JAK1: variants seen among roughly 807,000 people sequenced by gnomAD.
The protein encoded by JAK1 is tyrosine-protein kinase JAK1.
Under a neutral mutation model 136.6 loss-of-function variants are expected in JAK1, and 16 were observed. That is an observed-to-expected ratio of 0.12 (90% CI 0.08 to 0.18). The LOEUF (loss-of-function observed/expected upper bound fraction) is 0.18, where lower values mean the gene tolerates loss of function less well. Ranked by LOEUF, JAK1 falls within the 10% of genes least tolerant of loss-of-function variation. JAK1 has a pLI of 1.00. For missense variants in JAK1, 859 were observed against 1,450.1 expected (o/e 0.59, Z 6.62); for synonymous variants, 492 against 519.5 (o/e 0.95, Z 0.72).
rs370893143 is a variant in JAK1, at chr1:65,014,805, C to T, written c.-78+29675G>A. Among the ~76,000 whole-genome samples, 47 of 152,126 alleles carry T rather than the reference C, an allele frequency of 3.1e-4. 1 individual carries two copies. In the East Asian group the frequency reaches 6.6e-3, roughly 21 times the overall value. On this transcript the variant is annotated intron_variant, in intron 2 of 25. Coordinates refer to the JAK1 transcript ENST00000671954. ...GTTCACGCCATTCTCCCGCCTCAGCCTCCCGAATAGCTGGGACTACAGGCG... is the reference window on the plus strand; with the variant it reads ...GTTCACGCCATTCTCCCGCCTCAGCTTCCCGAATAGCTGGGACTACAGGCG...
At chr1:64,985,258 G>A in intron 2 of JAK1, 1 of 1,606,830 alleles carries the variant, frequency 6.2e-7, no homozygotes, top group Non-Finnish European at 8.5e-7. Flanking sequence ...GAGAGCTGCT[G>A]AGAGAGCTGG....
chr1:64,963,199 C>T (rs76683887), intron 1 of JAK1, among the ~76,000 whole-genome samples: 1,919 of 152,198 alleles, frequency 0.013, 41 homozygotes, highest in African/African-American at 0.044. Flanking sequence ...GAACACCTTC[C>T]TTGGTCACCA....
At chr1:64,903,434 G>A (rs1197237771) in intron 1 of JAK1, among the ~76,000 whole-genome samples, 2 of 152,194 alleles carry the variant, frequency 1.3e-5, no homozygotes, top group Non-Finnish European at 2.9e-5. Flanking sequence ...GCAGAGCAGG[G>A]ACACAATGAA....
At chr1:64,948,363 GT>G (rs1016854218) in intron 1 of JAK1, among the ~76,000 whole-genome samples, 15 of 152,194 alleles carry the variant, frequency 9.9e-5, no homozygotes, top group African/African-American at 3.4e-4. Context: ...ATCATGCTAG[GT>G]ATTAATGTCA....
intron 12 of JAK1, 76 bp from the exon 13 acceptor site, chr1:64,847,751 T>G: frequency 6.6e-7 from 1 of 1,519,064 alleles, no homozygotes; most frequent in South Asian, 1.2e-5. Flanking sequence ...GGGTCCTCAA[T>G]GGGAACATGG....
intron 1 of JAK1, chr1:65,066,774 T>G (rs1569986214): frequency 6.5e-6 from 1 of 153,430 alleles, no homozygotes; most frequent in Non-Finnish European, 1.4e-5. Context: ...CACCGCCGCC[T>G]CCTCCTCTTA....
At chr1:64,976,696 A>G (rs1646500209) in intron 2 of JAK1, among the ~76,000 whole-genome samples, 2 of 152,204 alleles carry the variant, frequency 1.3e-5, no homozygotes, top group Non-Finnish European at 2.9e-5. Context: ...TGGGCCTCAC[A>G]TGGAACATAA....
chr1:64,960,418 G>A (rs1318433803), intron 1 of JAK1, among the ~76,000 whole-genome samples: 1 of 152,110 alleles, frequency 6.6e-6, no homozygotes. Context: ...ATCATACAGT[G>A]TAGATCCAGA....
intron 2 of JAK1, among the ~76,000 whole-genome samples, chr1:64,993,786 C>T (rs572189332): frequency 5.9e-4 from 90 of 152,258 alleles, no homozygotes; most frequent in Admixed American, 2.4e-3. Flanking sequence ...GCTGGGATTA[C>T]AGGCGCCCAC....
chr1:64,940,605 C>A (rs926446748), intron 1 of JAK1, among the ~76,000 whole-genome samples: 2 of 152,150 alleles, frequency 1.3e-5, no homozygotes, highest in African/African-American at 4.8e-5. Flanking sequence ...GCATAAGCCA[C>A]TGCACCTGGC....
intron 1 of JAK1, among the ~76,000 whole-genome samples, chr1:64,949,281 G>T (rs1430747186): frequency 6.6e-6 from 1 of 152,078 alleles, no homozygotes; most frequent in Non-Finnish European, 1.5e-5. Context: ...TTAAGCAAAG[G>T]GCAATACATC....
intron 1 of JAK1, among the ~76,000 whole-genome samples, chr1:64,934,987 A>C (rs934052642): frequency 6.6e-6 from 1 of 152,112 alleles, no homozygotes; most frequent in Non-Finnish European, 1.5e-5. Flanking sequence ...TATCAAACCA[A>C]TTTACTTGAG....
In JAK1 at chr1:64,869,266, A is replaced by C. The variant is rs745496046; in HGVS notation, c.647+45T>G. Reference sequence around the variant, plus strand: ...GAAATGTGTAAGAACATGTAGAAACACCACCATCCTCACAATCAATTCTTC... The same window carrying C: ...GAAATGTGTAAGAACATGTAGAAACCCCACCATCCTCACAATCAATTCTTC... On this transcript the variant is annotated intron_variant, in intron 6 of 24. Transcript: ENST00000342505. 23 of 1,579,544 alleles carry C rather than the reference A, an allele frequency of 1.5e-5. No homozygotes were observed. The South Asian group carries it at 1.7e-4, about 11-fold the overall frequency.
At chr1:64,866,157 C>A (rs1656691044) in intron 7 of JAK1, among the ~76,000 whole-genome samples, 1 of 152,116 alleles carries the variant, frequency 6.6e-6, no homozygotes, top group East Asian at 1.9e-4. Context: ...GTGCTAAATG[C>A]CGTTTAGTTT....
At chr1:65,033,850 G>C (rs936542940) in intron 2 of JAK1, among the ~76,000 whole-genome samples, 2 of 152,054 alleles carry the variant, frequency 1.3e-5, no homozygotes, top group African/African-American at 4.8e-5. Flanking sequence ...TAGCAATTTA[G>C]AGTGTGTGAT....
chr1:65,017,616 CAT>C (rs1315378141), intron 2 of JAK1, among the ~76,000 whole-genome samples: 1 of 152,020 alleles, frequency 6.6e-6, no homozygotes, highest in African/African-American at 2.4e-5. Flanking sequence ...TGGACTCATA[CAT>C]AGTCATTAAA....
Position 64,844,340 on chromosome 1 carries a change from C to A in JAK1, c.2252-125G>T. On this transcript the variant is annotated intron_variant, in intron 16 of 24. Transcript: ENST00000342505. The surrounding 1 kb of genome is among the most constrained non-coding windows in gnomAD (Gnocchi z 5.7). ...CTTCAAGCAGTGTGCCCAAACATGG[C>A]CCATGGCCACATAGGCCCTGTGCGG... is the stretch of plus-strand genomic sequence containing the variant. 1 of 1,277,770 alleles carries A rather than the reference C, an allele frequency of 7.8e-7. No individual in the cohort carries two copies. The highest frequency in any genetic ancestry group is 1.8e-5 in the Admixed American group (1 of 55,874). 79.2% of individuals were successfully genotyped at this position (1,277,770 alleles called of 1,614,324 possible). A position where few individuals can be genotyped will look rare whatever the true frequency, so the allele number is the denominator to read the frequency against.
At chr1:65,042,275 C>G (rs539052577) in intron 2 of JAK1, among the ~76,000 whole-genome samples, 6 of 152,134 alleles carry the variant, frequency 3.9e-5, no homozygotes, top group Admixed American at 3.9e-4. Flanking sequence ...CGTTTATTAT[C>G]AGGAACTTCA....
chr1:65,066,871 C>G (rs1648072155), intron 1 of JAK1: 1 of 152,670 alleles, frequency 6.6e-6, no homozygotes, highest in Admixed American at 6.5e-5. Flanking sequence ...ACGCCAGCAC[C>G]CTGGACGCGG....
Sources: gnomAD v4.1 joint callset for allele counts (sites outside exome capture counted in the v4.1 genomes callset) on GRCh38, gnomAD v4.1.1 for gene constraint, Gnocchi (gnomAD v3.1) non-coding constraint, MANE v1.5 for transcripts, NCBI Gene and HGNC (gene_info 2026-07-23, HGNC 2026-07-21) for gene names.